Variants in DENND1C observed in about 807,000 individuals in gnomAD.
DENND1C encodes the protein DENN domain containing 1C.
Under a neutral mutation model 87.9 loss-of-function variants are expected in DENND1C, and 64 were observed. That is an observed-to-expected ratio of 0.73 (90% CI 0.60 to 0.90). The LOEUF is 0.90. Among genes scored for constraint, DENND1C ranks in the 40% least tolerant of loss-of-function variants. The probability of loss-of-function intolerance (pLI) is 0.00; values close to 1 mark genes in which losing one functional copy is unlikely to be tolerated. For missense variants in DENND1C, 980 were observed against 1,037.0 expected (o/e 0.95, Z 0.76); for synonymous variants, 384 against 424.4 (o/e 0.90, Z 1.17).
intron 18 of DENND1C, 159 bp downstream of exon 18, chr19:6,470,136 A>T: frequency 1.5e-6 from 1 of 667,562 alleles, no homozygotes; most frequent in Non-Finnish European, 2.5e-6. Context: ...AAGGGGGAAG[A>T]GTTGTTAATG....
rs773457462 is a variant in DENND1C at position 6,471,871 on chromosome 19, G to C, written c.1159-375C>G. Among the ~76,000 whole-genome samples, 46 of 152,262 alleles carry C rather than the reference G, an allele frequency of 3.0e-4. 1 individual carries two copies. Among genetic ancestry groups the C allele is most frequent in the Middle Eastern group, 3.4e-3 (1 of 294 alleles). Reference sequence around the variant, plus strand: ...TTGGCCAGGCTGGTTTCGAACTCCTGACCTCAGGTGATCCGTCTGCCTTGG... The same window carrying C: ...TTGGCCAGGCTGGTTTCGAACTCCTCACCTCAGGTGATCCGTCTGCCTTGG... On this transcript the variant is annotated intron_variant, in intron 15 of 22. Transcript: ENST00000381480.
At chr19:6,481,657 T>G (rs370032284) in intron 1 of DENND1C, 22 bp downstream of exon 1, 46 of 1,611,870 alleles carry the variant, frequency 2.9e-5, no homozygotes, top group South Asian at 6.6e-5. Context: ...TACCAGAGAA[T>G]GAGGGATGGG....
At chr19:6,481,254 C>T (rs1180761409) in intron 1 of DENND1C, among the ~76,000 whole-genome samples, 2 of 151,874 alleles carry the variant, frequency 1.3e-5, no homozygotes, top group African/African-American at 4.8e-5. Context: ...CAGTTGCACA[C>T]ACAGTCCCCA....
At chr19:6,473,487 T>C (rs903801055) in intron 14 of DENND1C, among the ~76,000 whole-genome samples, 1 of 150,000 alleles carries the variant, frequency 6.7e-6, no homozygotes, top group African/African-American at 2.5e-5. Context: ...ATTTCTTTTT[T>C]TGAGTCAGGG....
chr19:6,478,856 T>G lies in DENND1C; in HGVS notation c.297-4A>C, dbSNP rs348392. 5.8e-3 allele frequency: 9,311 copies of G among 1,613,738 alleles called. 460 individuals carry two copies. In the African/African-American group the frequency reaches 0.11, roughly 19 times the overall value. Reference sequence around the variant, plus strand: ...CACCTCGAACCAAGGCAGGTGGCTGTGGAGAGAGGAGACAGGTTCCACGAA... The same window carrying G: ...CACCTCGAACCAAGGCAGGTGGCTGGGGAGAGAGGAGACAGGTTCCACGAA... On this transcript the variant is annotated splice_polypyrimidine_tract_variant and splice_region_variant and intron_variant, in intron 5 of 22. Coordinates refer to ENST00000381480, the MANE Select transcript of DENND1C (RefSeq NM_024898.4).
chr19:6,468,876 T>C lies in DENND1C; in HGVS notation c.1485A>G (p.Gln495=). The change falls in exon 20 of 23, where the codon CAA becomes CAG. Residue 495 remains glutamine, a synonymous_variant. Transcript: ENST00000381480. ...ALPSRSDRLQ[Q]RLPITQHFGK... The stretch of plus-strand genomic sequence containing the variant: ...CAAAGTGCTGAGTGATTGGGAGGCG[T>C]TGCTGCAGGCGGTCTGAGCGGCTGG... 6.6e-7 allele frequency: 1 copy of C among 1,510,490 alleles called. No homozygotes were observed. The highest frequency in any genetic ancestry group is 8.8e-7 in the Non-Finnish European group (1 of 1,135,130). The allele number at this position is 1,510,490 out of a possible 1,614,324, so 93.6% of individuals were successfully genotyped here.
At chr19:6,477,858 G>T (rs1303941456) in intron 6 of DENND1C, among the ~76,000 whole-genome samples, 1 of 149,624 alleles carries the variant, frequency 6.7e-6, no homozygotes, top group Non-Finnish European at 1.5e-5. Context: ...GAGGCCAGGA[G>T]TCCGTGTCCA....
intron 1 of DENND1C, chr19:6,480,578 CTAT>C (rs1913503732): frequency 3.7e-6 from 1 of 267,906 alleles, no homozygotes; most frequent in African/African-American, 3.0e-5. Flanking sequence ...ATCTATCTAT[CTAT>C]CTATCTATCT....
chr19:6,476,885 A>G lies in DENND1C; in HGVS notation c.650T>C (p.Val217Ala), dbSNP rs1286316081. 1 of 1,612,028 alleles carries G rather than the reference A, an allele frequency of 6.2e-7. No individual in the cohort carries two copies. The highest frequency in any genetic ancestry group is 8.5e-7 in the Non-Finnish European group (1 of 1,179,518). Residue 217 changes from valine to alanine, a missense_variant, in exon 10 of 23, where the codon GTC (valine) becomes GCC (alanine). Val to Ala is a moderately conservative substitution (Grantham distance 64, BLOSUM62 0). Transcript: ENST00000381480. The part of the protein sequence containing the change: ...LFAALLAERR[V>A]LLTASKLSTL... ...GCTGAGTTTGCTGGCGGTGAGCAGG[A>G]CTCTTCTCTCGGCCAGGAGCGCCGC...
chr19:6,471,506 G>A lies in DENND1C; in HGVS notation c.1159-10C>T, dbSNP rs749227365. 4 of 1,539,320 alleles carry A rather than the reference G, an allele frequency of 2.6e-6. No homozygotes were observed. The highest frequency in any genetic ancestry group is 1.7e-4 in the Middle Eastern group (1 of 5,820). On this transcript the variant is annotated splice_polypyrimidine_tract_variant and intron_variant, in intron 15 of 22. Coordinates refer to ENST00000381480, the MANE Select transcript of DENND1C (RefSeq NM_024898.4). Reference sequence around the variant, plus strand: ...GCCGGGCTTCGATGAACTGGGGTGGGGGACAGTAAATCAGAAACAGCAGGA... The same window carrying A: ...GCCGGGCTTCGATGAACTGGGGTGGAGGACAGTAAATCAGAAACAGCAGGA...
chr19:6,479,351 G>GAGTCCCTAT (rs1312062095), intron 4 of DENND1C, among the ~76,000 whole-genome samples: 79 of 148,202 alleles, frequency 5.3e-4, no homozygotes, highest in African/African-American at 1.9e-3. Context: ...CTGAGTCCCT[G>GAGTCCCTAT]GTCCCTGAGT....
chr19:6,468,916 C>A lies in DENND1C; in HGVS notation c.1445G>T (p.Arg482Met). 6.8e-7 allele frequency: 1 copy of A among 1,476,218 alleles called. No individual in the cohort carries two copies. The highest frequency in any genetic ancestry group is 8.9e-7 in the Non-Finnish European group (1 of 1,118,054). The allele number at this position is 1,476,218 out of a possible 1,614,324, so 91.4% of individuals were successfully genotyped here. A position where few individuals can be genotyped will look rare whatever the true frequency, so the allele number is the denominator to read the frequency against. ...DSVLQRGGSL[R>M]APALPSRSDR... ...TGAGCGGCTGGGGAGGGCTGGGGCC[C>A]TCAGAGAGCCCCCCCTCTGCAGGAC... Residue 482 changes from arginine (R) to methionine (M), a missense_variant, in exon 20 of 23, where the codon AGG becomes ATG. Transcript: ENST00000381480.
chr19:6,481,533 G>T, intron 1 of DENND1C, 146 bp downstream of exon 1: 1 of 1,120,958 alleles, frequency 8.9e-7, no homozygotes, highest in Non-Finnish European at 1.3e-6. Context: ...TCATAGCGGA[G>T]GCCCATGGAG....
Position 6,477,128 on chromosome 19 carries a change from C to T in DENND1C, c.514-1G>A. On this transcript the variant is annotated splice_acceptor_variant, in intron 8 of 22. Transcript: ENST00000381480. LOFTEE classifies it high-confidence loss of function. ...AGTCCGGGGCCACGAAGCAGGAAAG[C>T]TGGTGGGGGTATTGGCAGGGGGATC... The T allele has an allele frequency of 6.2e-7, 1 of 1,604,012 alleles. No individual in the cohort carries two copies. Among genetic ancestry groups the T allele is most frequent in the Non-Finnish European group, 8.5e-7 (1 of 1,175,398 alleles).
In DENND1C at chr19:6,475,411, G is replaced by A; in HGVS notation, c.928-12C>T. The A allele has an allele frequency of 1.1e-5, 18 of 1,612,086 alleles. No individual in the cohort carries two copies. Among genetic ancestry groups the A allele is most frequent in the Non-Finnish European group, 1.4e-5 (16 of 1,178,746 alleles). ...CTCAGCAGGGACACCTGAAGCACAAGGGAGTGGCCCTGAGTGGGCAGGTGT... is the reference window on the plus strand; with the variant it reads ...CTCAGCAGGGACACCTGAAGCACAAAGGAGTGGCCCTGAGTGGGCAGGTGT... On this transcript the variant is annotated splice_polypyrimidine_tract_variant and intron_variant, in intron 13 of 22. Coordinates refer to ENST00000381480, the MANE Select transcript of DENND1C (RefSeq NM_024898.4).
At position 6,479,685 on chromosome 19, in the gene DENND1C, G is replaced by C; in HGVS notation, c.160C>G (p.Pro54Ala). ...CTTCCGTACCTTTCCACATCAAAAG[G>C]GAAGCAGAATTTAGGCACCATCTGC... ...AMQMVPKFCF[P>A]FDVEREPPSP... The change falls in exon 4 of 23, where the codon CCT becomes GCT. Residue 54 changes from proline to alanine, a missense_variant. Pro to Ala is a conservative substitution (Grantham distance 27). Coordinates refer to ENST00000381480, the MANE Select transcript of DENND1C (RefSeq NM_024898.4). 6.2e-7 allele frequency: 1 copy of C among 1,613,900 alleles called. No individual in the cohort carries two copies. The highest frequency in any genetic ancestry group is 8.5e-7 in the Non-Finnish European group (1 of 1,179,856).
rs1268823045 is a variant in DENND1C at position 6,467,618 on chromosome 19, T to C, written c.2292A>G (p.Pro764=). 22 of 1,568,900 alleles carry C rather than the reference T, an allele frequency of 1.4e-5. No homozygotes were observed. The highest frequency in any genetic ancestry group is 3.6e-5 in the South Asian group (3 of 83,540). The change falls in exon 23 of 23, where the codon CCA becomes CCG. Residue 764 remains proline, a synonymous_variant. Coordinates refer to ENST00000381480, the MANE Select transcript of DENND1C (RefSeq NM_024898.4). ...AATTCAGGGCTCCTGGTTCCTCCCG[T>C]GGCTGGAGGTGAGCGCGCTCTGCCA... ...ALLAERAHLQ[P]REEPGALNSP...
At chr19:6,478,134 C>T (rs955614119) in intron 6 of DENND1C, among the ~76,000 whole-genome samples, 3 of 152,104 alleles carry the variant, frequency 2.0e-5, no homozygotes, top group African/African-American at 7.2e-5. Context: ...GAGTGCAGTG[C>T]TGCGATCATA....
At chr19:6,471,031 T>C (rs2092826029) in intron 17 of DENND1C, among the ~76,000 whole-genome samples, 1 of 151,548 alleles carries the variant, frequency 6.6e-6, no homozygotes, top group African/African-American at 2.4e-5. Context: ...CTCGGCTCAC[T>C]ACAACCTCCA....
Sources: allele counts gnomAD v4.1 joint callset (sites outside exome capture counted in the v4.1 genomes callset), GRCh38; gene constraint gnomAD v4.1.1; transcripts MANE v1.5; gene names NCBI Gene and HGNC (gene_info 2026-07-23, HGNC 2026-07-21).